The following SP6 variants were observed in gnomAD, a reference collection of about 807,000 sequenced individuals.
SP6 encodes the protein Sp6 transcription factor.
SP6 carries 10 observed loss-of-function variants against 23.4 expected under a neutral mutation model. The ratio of observed to expected loss-of-function variants is 0.43; its 90% confidence interval spans 0.26 to 0.72. The LOEUF is 0.72. SP6 is among the 30% of genes least tolerant of loss of function. The probability of loss-of-function intolerance (pLI) is 0.23; values close to 1 mark genes in which losing one functional copy is unlikely to be tolerated. For synonymous variants in SP6, 238 were observed against 238.7 expected (o/e 1.00, Z 0.03); for missense variants, 482 against 523.8 (o/e 0.92, Z 0.78).
the SP6 span, among the ~76,000 whole-genome samples, chr17:47,866,364 G>C: frequency 6.6e-6 from 1 of 152,164 alleles, no homozygotes; most frequent in Non-Finnish European, 1.5e-5. Context: ...GAGGGGTATG[G>C]AGTAGAAAAT....
At chr17:47,852,501 C>T (rs1158907159), upstream of SP6, among the ~76,000 whole-genome samples, 1 of 152,090 alleles carries the variant, frequency 6.6e-6, no homozygotes, top group African/African-American at 2.4e-5. Context: ...TGCGCTTTGC[C>T]GTCGGCTTTT....
At chr17:47,853,013 G>A (rs1317507862), upstream of SP6, among the ~76,000 whole-genome samples, 3 of 152,188 alleles carry the variant, frequency 2.0e-5, no homozygotes, top group Non-Finnish European at 4.4e-5. Context: ...AGAAGTTGAC[G>A]GATTTAAATT....
At chr17:47,854,517 G>A (rs758634441), upstream of SP6, among the ~76,000 whole-genome samples, 44 of 152,134 alleles carry the variant, frequency 2.9e-4, no homozygotes, top group Non-Finnish European at 6.0e-4. Flanking sequence ...TGATGACCCT[G>A]GAAGTCTGGC....
At chr17:47,849,308 T>C (rs1440200966) in intron 1 of SP6, among the ~76,000 whole-genome samples, 1 of 152,068 alleles carries the variant, frequency 6.6e-6, no homozygotes, top group Non-Finnish European at 1.5e-5. Context: ...GAGGCCCAGA[T>C]AGAAAGTTGG....
chr17:47,865,445 A>G, the SP6 span, among the ~76,000 whole-genome samples: 1 of 152,120 alleles, frequency 6.6e-6, no homozygotes, highest in African/African-American at 2.4e-5. Flanking sequence ...CAGGACCGAA[A>G]GAGCCTCTGA....
chr17:47,860,195 G>C (rs1046220097), upstream of SP6, among the ~76,000 whole-genome samples: 4 of 152,092 alleles, frequency 2.6e-5, no homozygotes, highest in Admixed American at 1.3e-4. Context: ...GCCCCACACT[G>C]TTCCATGTGT....
chr17:47,857,501 G>T (rs1233407902), upstream of SP6, among the ~76,000 whole-genome samples: 2 of 152,120 alleles, frequency 1.3e-5, no homozygotes, highest in African/African-American at 4.8e-5. Flanking sequence ...TCTTGGGGTT[G>T]GGGGGGAGTT....
chr17:47,853,657 TC>T (rs772915235), upstream of SP6, among the ~76,000 whole-genome samples: 21 of 152,236 alleles, frequency 1.4e-4, no homozygotes, highest in Non-Finnish European at 2.9e-4. Context: ...TGGTAGACAC[TC>T]CCTGCTACTT....
In SP6 at chr17:47,847,807, C is replaced by T. The variant is rs577607335; in HGVS notation, c.623G>A (p.Gly208Glu). The change falls in exon 2 of 2, where the codon GGG becomes GAG. Residue 208 changes from glycine (G) to glutamate (E), a missense_variant. This residue lies in a region of SP6 where 330 missense variants were observed against 332.3 expected (regional missense o/e 0.99). Transcript: ENST00000536300. ...CCGGGAGCCTTTGGGACGCGCCGCCCCGTCCAGGCTGGAATCCAGCCCTTG... is the reference window on the plus strand; with the variant it reads ...CCGGGAGCCTTTGGGACGCGCCGCCTCGTCCAGGCTGGAATCCAGCCCTTG... The part of the protein sequence containing the change: ...ESQGLDSSLD[G>E]AARPKGSRRS... The T allele has an allele frequency of 6.5e-7, 1 of 1,534,578 alleles. No homozygotes were observed. Among genetic ancestry groups the T allele is most frequent in the Admixed American group, 2.1e-5 (1 of 48,708 alleles).
At position 47,848,281 on chromosome 17, in the gene SP6, C is replaced by G. The variant is rs1409399681; in HGVS notation, c.149G>C (p.Gly50Ala). 2.0e-5 allele frequency: 33 copies of G among 1,612,264 alleles called. No individual in the cohort carries two copies. Among genetic ancestry groups the G allele is most frequent in the Non-Finnish European group, 2.7e-5 (32 of 1,179,396 alleles). The change falls in exon 2 of 2, where the codon GGA becomes GCA. Residue 50 changes from glycine to alanine, a missense_variant. This residue lies in a region of SP6 where 330 missense variants were observed against 332.3 expected (regional missense o/e 0.99). Transcript: ENST00000536300. This position sits in a 1 kb window ranked among gnomAD's most constrained non-coding sequence, Gnocchi z 5.3. ...GCCCAGCGGGAGGCTCTGCAGCTCT[C>G]CAGGCTGCAGCGGGGAGGGGTAGTC... Reference protein sequence around the residue: ...AGDYPSPLQPGELQSLPLGPE... With the variant: ...AGDYPSPLQPAELQSLPLGPE...
At chr17:47,873,089 G>A in the SP6 span, among the ~76,000 whole-genome samples, 1 of 152,194 alleles carries the variant, frequency 6.6e-6, no homozygotes, top group African/African-American at 2.4e-5. Flanking sequence ...CCAGAGCTCT[G>A]GCCTAGACCT....
chr17:47,863,116 G>C, the SP6 span, among the ~76,000 whole-genome samples: 1 of 152,270 alleles, frequency 6.6e-6, no homozygotes, highest in Non-Finnish European at 1.5e-5. Context: ...ACCACAGCAG[G>C]AGGGCCCTCT....
At chr17:47,871,189 C>T in the SP6 span, among the ~76,000 whole-genome samples, 1 of 152,210 alleles carries the variant, frequency 6.6e-6, no homozygotes, top group African/African-American at 2.4e-5. Context: ...AGAAGCCCAT[C>T]CTATATCCCT....
At chr17:47,873,627 A>C in the SP6 span, among the ~76,000 whole-genome samples, 1 of 152,114 alleles carries the variant, frequency 6.6e-6, no homozygotes, top group Non-Finnish European at 1.5e-5. Flanking sequence ...TCTGGGAAAA[A>C]AGGCTCTTCC....
chr17:47,860,710 A>G (rs1435797489), upstream of SP6, among the ~76,000 whole-genome samples: 1 of 146,338 alleles, frequency 6.8e-6, no homozygotes, highest in Non-Finnish European at 1.5e-5. Flanking sequence ...CAAAAAAAAA[A>G]AAAAAGTTAA....
chr17:47,847,977 G>A lies in SP6; in HGVS notation c.453C>T (p.Gly151=), dbSNP rs1178424289. ...SPGHPGALQA[G]LGGYVGDHQL... Reference sequence around the variant, plus strand: ...GGTGGTCTCCGACGTAGCCCCCCAAGCCCGCCTGAAGCGCCCCCGGGTGGC... The same window carrying A: ...GGTGGTCTCCGACGTAGCCCCCCAAACCCGCCTGAAGCGCCCCCGGGTGGC... The change falls in exon 2 of 2, where the codon GGC becomes GGT. Residue 151 remains glycine (G), a synonymous_variant. Coordinates refer to ENST00000536300, the MANE Select transcript of SP6 (RefSeq NM_001258248.2). 1.3e-6 allele frequency: 2 copies of A among 1,586,472 alleles called. No homozygotes were observed. Among genetic ancestry groups the A allele is most frequent in the Non-Finnish European group, 8.6e-7 (1 of 1,166,250 alleles).
chr17:47,868,467 G>A, the SP6 span, among the ~76,000 whole-genome samples: 1 of 152,134 alleles, frequency 6.6e-6, no homozygotes, highest in African/African-American at 2.4e-5. Context: ...AGCCAGTGGG[G>A]GGCACTGAGC....
the SP6 span, among the ~76,000 whole-genome samples, chr17:47,863,172 A>G: frequency 3.9e-5 from 6 of 152,264 alleles, no homozygotes; most frequent in South Asian, 2.1e-4. Flanking sequence ...GAATGGGTTA[A>G]GCAAGTCATT....
At chr17:47,857,640 C>T (rs73985417), upstream of SP6, among the ~76,000 whole-genome samples, 5,111 of 152,228 alleles carry the variant, frequency 0.034, 280 homozygotes, top group African/African-American at 0.12. Flanking sequence ...AGCACCCTAC[C>T]TGGCAGGAGA....
Sources: gnomAD v4.1 joint callset for allele counts (sites outside exome capture counted in the v4.1 genomes callset) on GRCh38, gnomAD v4.1.1 for gene constraint, gnomAD v4.1.1 regional missense constraint, Gnocchi (gnomAD v3.1) non-coding constraint, MANE v1.5 for transcripts, NCBI Gene and HGNC (gene_info 2026-07-23, HGNC 2026-07-21) for gene names.